Variants in IQCM observed in about 807,000 individuals in gnomAD.
The protein encoded by IQCM is IQ domain-containing protein M.
IQCM carries 45 observed loss-of-function variants against 57.6 expected under a neutral mutation model. That is an observed-to-expected ratio of 0.78 (90% CI 0.62 to 1.00). The LOEUF (loss-of-function observed/expected upper bound fraction) is 1.00, where lower values mean the gene tolerates loss of function less well. Ranked by LOEUF, IQCM falls within the 50% of genes least tolerant of loss-of-function variation. IQCM has a pLI of 0.00. For missense variants in IQCM, 468 were observed against 511.6 expected (o/e 0.91, Z 0.82); for synonymous variants, 148 against 158.9 (o/e 0.93, Z 0.51).
At chr4:149,435,249 C>G (rs569769721) in intron 12 of IQCM, among the ~76,000 whole-genome samples, 1 of 152,220 alleles carries the variant, frequency 6.6e-6, no homozygotes, top group Non-Finnish European at 1.5e-5. Flanking sequence ...CTGATACAGA[C>G]AGAACTGGGT....
intron 12 of IQCM, among the ~76,000 whole-genome samples, chr4:149,493,502 G>T (rs746080141): frequency 6.6e-6 from 1 of 152,188 alleles, no homozygotes; most frequent in East Asian, 1.9e-4. Context: ...AGAAATGCTT[G>T]TTAGCATATA....
At chr4:149,693,069 C>T (rs181229323) in intron 5 of IQCM, among the ~76,000 whole-genome samples, 1 of 152,318 alleles carries the variant, frequency 6.6e-6, no homozygotes, top group Admixed American at 6.5e-5. Context: ...GCACTACTTA[C>T]TATGTGCTCC....
intron 5 of IQCM, among the ~76,000 whole-genome samples, chr4:149,722,775 C>T (rs1194071600): frequency 6.6e-6 from 1 of 151,884 alleles, no homozygotes; most frequent in African/African-American, 2.4e-5. Context: ...TATTTGAGCT[C>T]TTATTTGGTT....
intron 5 of IQCM, among the ~76,000 whole-genome samples, chr4:149,730,070 C>T (rs1441907814): frequency 3.3e-5 from 5 of 152,124 alleles, no homozygotes; most frequent in African/African-American, 1.2e-4. Context: ...GTCTAGATTC[C>T]AACTTATTGG....
At chr4:149,733,578 AT>A (rs774038397) in intron 4 of IQCM, 70 bp from the exon 5 acceptor site, 7 of 775,810 alleles carry the variant, frequency 9.0e-6, no homozygotes, top group Non-Finnish European at 1.2e-5. Flanking sequence ...AAAGTTATAT[AT>A]TTTATTAATA....
rs191857918 is a variant in IQCM at position 149,694,052 on chromosome 4, A to G, written c.386-7584T>C. Among the ~76,000 whole-genome samples the G allele has an allele frequency of 3.9e-5, 6 of 152,244 alleles. No individual in the cohort carries two copies. In the East Asian group the frequency reaches 1.2e-3, roughly 29 times the overall value. On this transcript the variant is annotated intron_variant, in intron 5 of 13. Transcript: ENST00000636793. ...TGGGACTTATTTCCCTTGAATCCTC[A>G]GCACTTCCTTATAATACCCAGCACA...
At chr4:149,711,870 A>C (rs1480716104) in intron 5 of IQCM, among the ~76,000 whole-genome samples, 2 of 152,180 alleles carry the variant, frequency 1.3e-5, no homozygotes, top group African/African-American at 4.8e-5. Flanking sequence ...AGCATGTTAT[A>C]TGTCTTTGTG....
chr4:149,531,605 T>C (rs1005520513), intron 12 of IQCM, among the ~76,000 whole-genome samples: 3 of 152,112 alleles, frequency 2.0e-5, no homozygotes, highest in Non-Finnish European at 4.4e-5. Context: ...CAGGTGCTTA[T>C]AGTCTAGTAT....
Position 149,792,131 on chromosome 4 carries a change from A to G in IQCM, c.-49+23180T>C, listed in dbSNP as rs147281970. On this transcript the variant is annotated intron_variant, in intron 2 of 13. Transcript: ENST00000636793. The stretch of plus-strand genomic sequence containing the variant: ...GTTTGCTAAGGAAATACTCTTTGCC[A>G]CTTTTTAATGTATGATTTAACATTT... Among the ~76,000 whole-genome samples the G allele has an allele frequency of 2.0e-5, 3 of 152,280 alleles. No homozygotes were observed. The East Asian group carries it at 5.8e-4, about 29-fold the overall frequency.
chr4:149,780,556 T>C (rs139791616), intron 2 of IQCM, among the ~76,000 whole-genome samples: 1 of 142,206 alleles, frequency 7.0e-6, no homozygotes, highest in Non-Finnish European at 1.6e-5. Flanking sequence ...TAAAACATAT[T>C]TTTTTCCACA....
At chr4:149,471,059 C>G (rs1481108616) in intron 12 of IQCM, among the ~76,000 whole-genome samples, 1 of 152,030 alleles carries the variant, frequency 6.6e-6, no homozygotes, top group African/African-American at 2.4e-5. Context: ...ATTAAAAGAA[C>G]TGGAGAAGCA....
At chr4:149,625,398 T>C (rs1756705817) in intron 7 of IQCM, among the ~76,000 whole-genome samples, 1 of 152,198 alleles carries the variant, frequency 6.6e-6, no homozygotes, top group African/African-American at 2.4e-5. Context: ...GAAGTGTTCA[T>C]GGAGGAGACA....
intron 12 of IQCM, among the ~76,000 whole-genome samples, chr4:149,489,191 T>C (rs968746448): frequency 2.0e-5 from 3 of 152,050 alleles, no homozygotes; most frequent in Non-Finnish European, 2.9e-5. Context: ...AAGGAAAACA[T>C]ACACCCACAA....
At chr4:149,357,566 G>C (rs955192937) in intron 13 of IQCM, among the ~76,000 whole-genome samples, 3 of 152,172 alleles carry the variant, frequency 2.0e-5, no homozygotes, top group Non-Finnish European at 2.9e-5. Context: ...TTCATGTGTT[G>C]AACCAGCCTT....
intron 12 of IQCM, among the ~76,000 whole-genome samples, chr4:149,435,151 T>G (rs772443500): frequency 2.6e-5 from 4 of 152,170 alleles, no homozygotes; most frequent in Non-Finnish European, 5.9e-5. Flanking sequence ...TCACATTTAC[T>G]CCAATCTCTG....
intron 2 of IQCM, among the ~76,000 whole-genome samples, chr4:149,753,557 A>C (rs1449338649): frequency 6.6e-6 from 1 of 151,980 alleles, no homozygotes; most frequent in Non-Finnish European, 1.5e-5. Context: ...AAGAAAGATG[A>C]AATAACAATG....
chr4:149,515,303 T>C (rs1400095182), intron 12 of IQCM, among the ~76,000 whole-genome samples: 1 of 152,100 alleles, frequency 6.6e-6, no homozygotes, highest in East Asian at 1.9e-4. Flanking sequence ...ATGAACTGGG[T>C]GCTTTCAGAC....
intron 13 of IQCM, among the ~76,000 whole-genome samples, chr4:149,409,760 A>G (rs938022303): frequency 6.6e-6 from 1 of 152,174 alleles, no homozygotes; most frequent in Non-Finnish European, 1.5e-5. Flanking sequence ...CTCTAAAAGC[A>G]GCAAAAGCCT....
At chr4:149,392,299 A>G (rs1200908154) in intron 13 of IQCM, among the ~76,000 whole-genome samples, 1 of 152,056 alleles carries the variant, frequency 6.6e-6, no homozygotes, top group African/African-American at 2.4e-5. Context: ...AAACGGAGAT[A>G]CATAAGCAAG....
Sources: gnomAD v4.1 joint callset for allele counts (sites outside exome capture counted in the v4.1 genomes callset) on GRCh38, gnomAD v4.1.1 for gene constraint, MANE v1.5 for transcripts, NCBI Gene and HGNC (gene_info 2026-07-23, HGNC 2026-07-21) for gene names.